ASAP3: variants seen among roughly 807,000 people sequenced by gnomAD.
ASAP3 encodes ArfGAP with SH3 domain, ankyrin repeat and PH domain 3.
ASAP3 carries 85 observed loss-of-function variants against 118.2 expected under a neutral mutation model. The observed-to-expected ratio is 0.72, with a 90% CI of 0.60 to 0.86. The LOEUF is 0.86. ASAP3 is among the 40% of genes least tolerant of loss of function. The pLI is 0.00. For missense variants in ASAP3, 1,026 were observed against 1,175.0 expected (o/e 0.87, Z 1.85); for synonymous variants, 432 against 477.4 (o/e 0.90, Z 1.24).
chr1:23,432,840 T>G (rs1258175946), intron 22 of ASAP3, among the ~76,000 whole-genome samples: 1 of 152,172 alleles, frequency 6.6e-6, no homozygotes, highest in African/African-American at 2.4e-5. Flanking sequence ...ATTGAGGAAT[T>G]TGGAATAAGA....
At chr1:23,435,346 G>A (rs1348379173) in intron 17 of ASAP3, among the ~76,000 whole-genome samples, 2 of 152,194 alleles carry the variant, frequency 1.3e-5, no homozygotes, top group African/African-American at 4.8e-5. Flanking sequence ...AATTTTTGAT[G>A]TCGAATCAGT....
chr1:23,484,215 C>T, upstream of ASAP3: 3 of 1,195,066 alleles, frequency 2.5e-6, no homozygotes, highest in Non-Finnish European at 3.1e-6. Context: ...CACCGCCGGC[C>T]GGGGGCGCCG....
chr1:23,432,249 C>T (rs368002418), intron 22 of ASAP3, among the ~76,000 whole-genome samples: 5 of 152,204 alleles, frequency 3.3e-5, no homozygotes, highest in East Asian at 1.9e-4. Flanking sequence ...TGGGGTGATC[C>T]GCCTGCTTCG....
chr1:23,477,476 G>A (rs1195129480), intron 1 of ASAP3, among the ~76,000 whole-genome samples: 1 of 151,948 alleles, frequency 6.6e-6, no homozygotes, highest in Non-Finnish European at 1.5e-5. Context: ...GCTCTGGAAG[G>A]GAGCCTGAGG....
rs1227627646 is a variant in ASAP3 at position 23,436,548 on chromosome 1, G to C, written c.1571+12C>G. The C allele has an allele frequency of 5.0e-6, 8 of 1,613,828 alleles. No homozygotes were observed. The highest frequency in any genetic ancestry group is 1.3e-5 in the African/African-American group (1 of 74,920). Reference sequence around the variant, plus strand: ...CTAGGCAGGGTGCCCCTCTCTCTGAGAATCCCCTTACATGTCACTCTCAGC... The same window carrying C: ...CTAGGCAGGGTGCCCCTCTCTCTGACAATCCCCTTACATGTCACTCTCAGC... On this transcript the variant is annotated intron_variant, in intron 16 of 24. Coordinates refer to ENST00000336689, the MANE Select transcript of ASAP3 (RefSeq NM_017707.4). This position sits in a 1 kb window ranked among gnomAD's most constrained non-coding sequence, Gnocchi z 4.2.
Position 23,431,883 on chromosome 1 carries a change from G to A in ASAP3, c.2359C>T (p.Pro787Ser). ...CTGCCCAGGCTCTCAGGGGTCTCAG[G>A]GGCCTCTGAACTCAGGCTGGAGACT... ...SEVSSLSSEA[P>S]ETPESLGSPA... Residue 787 changes from proline to serine, a missense_variant, in exon 23 of 25, where the codon CCT becomes TCT. Coordinates refer to ENST00000336689, the MANE Select transcript of ASAP3 (RefSeq NM_017707.4). The A allele has an allele frequency of 6.2e-7, 1 of 1,609,054 alleles. No homozygotes were observed. The highest frequency in any genetic ancestry group is 8.5e-7 in the Non-Finnish European group (1 of 1,178,614).
chr1:23,475,658 G>A (rs1204326319), intron 1 of ASAP3, among the ~76,000 whole-genome samples: 2 of 152,166 alleles, frequency 1.3e-5, no homozygotes, highest in Non-Finnish European at 2.9e-5. Flanking sequence ...GATGTCTCAA[G>A]ACCTATAAAG....
At chr1:23,473,241 T>C (rs1367760285) in intron 1 of ASAP3, among the ~76,000 whole-genome samples, 1 of 152,216 alleles carries the variant, frequency 6.6e-6, no homozygotes, top group African/African-American at 2.4e-5. Flanking sequence ...TGCCCAGGCC[T>C]CGCCCCTGGG....
intron 1 of ASAP3, among the ~76,000 whole-genome samples, chr1:23,457,073 GCA>G (rs1042998078): frequency 3.3e-5 from 5 of 152,178 alleles, no homozygotes; most frequent in South Asian, 2.1e-4. Flanking sequence ...CTTGCGAAAT[GCA>G]CAGTTAACTT....
rs983224878 is a variant in ASAP3 at position 23,437,931 on chromosome 1, G to C, written c.1103-459C>G. ...AAGGCTCTGCTCTAATTACACCACT[G>C]CCCTGCCCCAAGATCTCCCATGGCT... On this transcript the variant is annotated intron_variant, in intron 12 of 24. Coordinates refer to ENST00000336689, the MANE Select transcript of ASAP3 (RefSeq NM_017707.4). The surrounding 1 kb of genome is among the most constrained non-coding windows in gnomAD (Gnocchi z 6.1). 6.6e-6 allele frequency among the ~76,000 whole-genome samples: 1 copy of C among 151,950 alleles called. No homozygotes were observed. Among genetic ancestry groups the C allele is most frequent in the African/African-American group, 2.4e-5 (1 of 41,354 alleles).
At chr1:23,429,975 C>T (rs1378573332) in intron 24 of ASAP3, 45 bp from the exon 25 acceptor site, 3 of 1,494,058 alleles carry the variant, frequency 2.0e-6, no homozygotes, top group African/African-American at 2.8e-5. Flanking sequence ...GCACCTGTAA[C>T]ATACCAGGTG....
chr1:23,452,528 A>C (rs1641249656), intron 4 of ASAP3, among the ~76,000 whole-genome samples, 169 bp downstream of exon 4: 2 of 152,178 alleles, frequency 1.3e-5, no homozygotes, highest in Middle Eastern at 3.4e-3. Context: ...CAGGTCAGCC[A>C]TCCTAGGCTG....
chr1:23,444,680 G>A (rs1413873854), intron 5 of ASAP3, among the ~76,000 whole-genome samples: 2 of 152,172 alleles, frequency 1.3e-5, no homozygotes, highest in South Asian at 2.1e-4. Flanking sequence ...AATGGTCTAC[G>A]GTAAGTTCTC....
chr1:23,476,294 C>T (rs1642126637), intron 1 of ASAP3, among the ~76,000 whole-genome samples: 1 of 150,058 alleles, frequency 6.7e-6, no homozygotes, highest in African/African-American at 2.5e-5. Flanking sequence ...TGCAGTAAGC[C>T]GAGATGGTGC....
chr1:23,433,611 T>A lies in ASAP3; in HGVS notation c.2019+15A>T. Reference sequence around the variant, plus strand: ...GAGAAAGAGTCAGGGGCCCCTTGCCTCCCCGAGTCCTCACCAGCTCCTCAC... The same window carrying A: ...GAGAAAGAGTCAGGGGCCCCTTGCCACCCCGAGTCCTCACCAGCTCCTCAC... On this transcript the variant is annotated intron_variant, in intron 20 of 24. Transcript: ENST00000336689. 1 of 1,614,158 alleles carries A rather than the reference T, an allele frequency of 6.2e-7. No homozygotes were observed. Among genetic ancestry groups the A allele is most frequent in the Non-Finnish European group, 8.5e-7 (1 of 1,180,030 alleles).
At position 23,438,440 on chromosome 1, in the gene ASAP3, C is replaced by A. The variant is rs1258164433; in HGVS notation, c.1102+307G>T. Among the ~76,000 whole-genome samples the A allele has an allele frequency of 3.3e-5, 5 of 152,190 alleles. No homozygotes were observed. In the East Asian group the frequency reaches 9.6e-4, roughly 29 times the overall value. Reference sequence around the variant, plus strand: ...AACAATAATTTCATCTCCTTCAAGTCTGGGTATTTGGGAAAAAAAGGTAAA... The same window carrying A: ...AACAATAATTTCATCTCCTTCAAGTATGGGTATTTGGGAAAAAAAGGTAAA... On this transcript the variant is annotated intron_variant, in intron 12 of 24. Transcript: ENST00000336689. The surrounding 1 kb of genome is among the most constrained non-coding windows in gnomAD (Gnocchi z 4.9).
At chr1:23,483,622 G>A (rs1642383257) in intron 1 of ASAP3, among the ~76,000 whole-genome samples, 1 of 152,160 alleles carries the variant, frequency 6.6e-6, no homozygotes, top group African/African-American at 2.4e-5. Flanking sequence ...ACTGAGGCGG[G>A]AAGCCTGCCT....
At chr1:23,471,314 C>G (rs1374651184) in intron 1 of ASAP3, among the ~76,000 whole-genome samples, 1 of 152,180 alleles carries the variant, frequency 6.6e-6, no homozygotes, top group Non-Finnish European at 1.5e-5. Flanking sequence ...CACAACAGAA[C>G]TGATCCTGCC....
intron 1 of ASAP3, among the ~76,000 whole-genome samples, chr1:23,476,700 C>T (rs1227872902): frequency 1.3e-5 from 2 of 152,224 alleles, no homozygotes; most frequent in Non-Finnish European, 2.9e-5. Flanking sequence ...ACCACCCAAA[C>T]TCAGCAGGTG....
Sources: allele counts gnomAD v4.1 joint callset (sites outside exome capture counted in the v4.1 genomes callset), GRCh38; gene constraint gnomAD v4.1.1; non-coding constraint Gnocchi (gnomAD v3.1); transcripts MANE v1.5; gene names NCBI Gene and HGNC (gene_info 2026-07-23, HGNC 2026-07-21).